IFT43: variants seen among roughly 807,000 people sequenced by gnomAD.
IFT43 encodes the protein intraflagellar transport protein 43 homolog.
In IFT43, 33 loss-of-function variants were observed where a neutral mutation model predicts 32.3. The observed-to-expected ratio is 1.02, with a 90% CI of 0.77 to 1.37. IFT43 has a LOEUF of 1.37. IFT43 is among the 40% of genes most tolerant of loss of function. IFT43 has a pLI of 0.00. For missense variants in IFT43, 274 were observed against 265.9 expected (o/e 1.03, Z -0.21); for synonymous variants, 93 against 98.2 (o/e 0.95, Z 0.31).
intron 4 of IFT43, chr14:76,058,977 C>T: frequency 7.0e-7 from 1 of 1,432,506 alleles, no homozygotes; most frequent in Non-Finnish European, 9.1e-7. Context: ...GAAGCAATAC[C>T]AGCTTCTAAG....
chr14:76,037,359 T>C (rs530421970), intron 3 of IFT43, among the ~76,000 whole-genome samples: 3 of 152,296 alleles, frequency 2.0e-5, no homozygotes, highest in Non-Finnish European at 4.4e-5. Context: ...GTCTCCACTT[T>C]ATAGCGCCCA....
At chr14:76,022,479 A>G in intron 3 of IFT43, 85 bp downstream of exon 3, 3 of 800,714 alleles carry the variant, frequency 3.7e-6, no homozygotes, top group Middle Eastern at 2.3e-4. Flanking sequence ...ATTTTTTACA[A>G]TAGCTTTATT....
At chr14:76,014,352 C>T (rs2036142640) in intron 2 of IFT43, among the ~76,000 whole-genome samples, 1 of 152,222 alleles carries the variant, frequency 6.6e-6, no homozygotes, top group Non-Finnish European at 1.5e-5. Flanking sequence ...CATATTGTTA[C>T]AAGCCAGTCA....
chr14:76,076,083 A>C (rs917130860), intron 5 of IFT43, among the ~76,000 whole-genome samples: 2 of 152,172 alleles, frequency 1.3e-5, no homozygotes, highest in Non-Finnish European at 2.9e-5. Context: ...TGTATGGTGG[A>C]TATGAGCCTT....
chr14:76,079,993 T>C (rs2037480371), intron 5 of IFT43, among the ~76,000 whole-genome samples: 2 of 152,332 alleles, frequency 1.3e-5, no homozygotes, highest in South Asian at 4.1e-4. Context: ...GAACATATTA[T>C]GTGCTCATGA....
chr14:76,021,316 T>C (rs2036286888), intron 2 of IFT43, among the ~76,000 whole-genome samples: 1 of 152,190 alleles, frequency 6.6e-6, no homozygotes. Flanking sequence ...CCCACCAATT[T>C]AGTTTATCTC....
intron 1 of IFT43, chr14:75,986,122 C>G: frequency 7.1e-7 from 1 of 1,412,262 alleles, no homozygotes; most frequent in Non-Finnish European, 9.4e-7. Flanking sequence ...TCTCCGTTTT[C>G]TAGAGCCCCG....
rs1372494649 is a variant in IFT43, at chr14:76,083,713, C to G, written c.*136C>G. 1.2e-6 allele frequency: 1 copy of G among 845,094 alleles called. No individual in the cohort carries two copies. Among genetic ancestry groups the G allele is most frequent in the Non-Finnish European group, 1.9e-6 (1 of 520,820 alleles). 52.3% of individuals were successfully genotyped at this position (845,094 alleles called of 1,614,324 possible). On this transcript the variant is annotated 3_prime_UTR_variant, in exon 9 of 9. Coordinates refer to ENST00000314067, the MANE Select transcript of IFT43 (RefSeq NM_001102564.3). ...ATTCAGTCAACCACATTGGATAATTCAATTGCAATAAATTGCTTATTCTGT... is the reference window on the plus strand; with the variant it reads ...ATTCAGTCAACCACATTGGATAATTGAATTGCAATAAATTGCTTATTCTGT...
At chr14:76,037,600 C>T (rs946283212) in intron 3 of IFT43, among the ~76,000 whole-genome samples, 2 of 151,850 alleles carry the variant, frequency 1.3e-5, no homozygotes, top group African/African-American at 4.8e-5. Context: ...AGAAAAGTTG[C>T]AGTATTAGTA....
intron 2 of IFT43, among the ~76,000 whole-genome samples, chr14:76,021,858 T>C (rs1371043725): frequency 6.6e-6 from 1 of 152,202 alleles, no homozygotes; most frequent in Non-Finnish European, 1.5e-5. Context: ...GAACCCAGAT[T>C]TTCATAGTAA....
rs11326962 is a variant in IFT43 at position 76,049,457 on chromosome 14, GTTT to G, written c.216-9173_216-9171del. ...GTTTGTAGTTTTTAAAAAGCTGTGT[GTTT>G]TTTTTTTTTTTACAATTATTTCCCT... On this transcript the variant is annotated intron_variant, in intron 3 of 8. Transcript: ENST00000314067. 3.6e-3 allele frequency among the ~76,000 whole-genome samples: 536 copies of G among 148,518 alleles called. 3 individuals carry two copies. The highest frequency in any genetic ancestry group is 0.012 in the African/African-American group (498 of 40,584).
At position 76,082,323 on chromosome 14, in the gene IFT43, A is replaced by G. The variant is rs746294634; in HGVS notation, c.324A>G (p.Glu108=). 9.3e-6 allele frequency: 15 copies of G among 1,613,850 alleles called. No individual in the cohort carries two copies. In the African/African-American group the frequency reaches 1.9e-4, roughly 20 times the overall value. Residue 108 remains glutamate (E), a synonymous_variant, in exon 6 of 9, where the codon GAA becomes GAG. Coordinates refer to ENST00000314067, the MANE Select transcript of IFT43 (RefSeq NM_001102564.3). The part of the protein sequence containing the change: ...GDIPIIPDLE[E]VQEEDFVLQV... ...TTCCTATCATTCCGGATCTGGAGGA[A>G]GTACAGGAAGAAGACTTTGTTTTGC...
At chr14:76,039,965 T>A (rs1029104747) in intron 3 of IFT43, among the ~76,000 whole-genome samples, 8 of 152,336 alleles carry the variant, frequency 5.3e-5, no homozygotes, top group Admixed American at 3.9e-4. Flanking sequence ...GCTTCTTTTC[T>A]TTTTTACAAA....
chr14:76,053,509 A>ATCAG (rs2036954623), intron 3 of IFT43, among the ~76,000 whole-genome samples: 1 of 152,202 alleles, frequency 6.6e-6, no homozygotes, highest in East Asian at 1.9e-4. Flanking sequence ...CGTCTACCTG[A>ATCAG]GAAGCCAAGC....
rs576056561 is a variant in IFT43, at chr14:76,070,169, T to C, written c.295+10796T>C. 3.9e-5 allele frequency among the ~76,000 whole-genome samples: 6 copies of C among 152,260 alleles called. No homozygotes were observed. In the South Asian group the frequency reaches 1.0e-3, roughly 26 times the overall value. ...AGCCAGGCAATGAGGCTGGAAGAGA[T>C]GTGAGATGCTAGGCTGTCAATGGAA... On this transcript the variant is annotated intron_variant, in intron 5 of 8. Transcript: ENST00000314067.
At chr14:76,075,253 A>G (rs1457967217) in intron 5 of IFT43, among the ~76,000 whole-genome samples, 4 of 152,206 alleles carry the variant, frequency 2.6e-5, no homozygotes, top group Admixed American at 2.6e-4. Context: ...CCTACCTGCC[A>G]GTAACGAGCA....
chr14:76,034,368 A>G (rs555480108), intron 3 of IFT43, among the ~76,000 whole-genome samples: 1 of 152,272 alleles, frequency 6.6e-6, no homozygotes, highest in Non-Finnish European at 1.5e-5. Flanking sequence ...CTCCACCCTC[A>G]TAATCTCATC....
intron 2 of IFT43, among the ~76,000 whole-genome samples, chr14:75,997,403 A>G (rs2035767990): frequency 6.6e-6 from 1 of 152,256 alleles, no homozygotes; most frequent in Non-Finnish European, 1.5e-5. Flanking sequence ...TATGAGAACT[A>G]AACAGTGAGC....
chr14:75,996,736 A>G (rs1207851447), intron 2 of IFT43, among the ~76,000 whole-genome samples: 1 of 152,270 alleles, frequency 6.6e-6, no homozygotes, highest in East Asian at 1.9e-4. Context: ...TTTCCAAAGA[A>G]TAATCCTTAA....
Sources: gnomAD v4.1 joint callset for allele counts (sites outside exome capture counted in the v4.1 genomes callset) on GRCh38, gnomAD v4.1.1 for gene constraint, MANE v1.5 for transcripts, NCBI Gene and HGNC (gene_info 2026-07-23, HGNC 2026-07-21) for gene names.